The following MRTFA variants were observed in gnomAD, a reference collection of about 807,000 sequenced individuals.
The protein encoded by MRTFA is myocardin-related transcription factor A.
MRTFA carries 20 observed loss-of-function variants against 83.5 expected under a neutral mutation model. The ratio of observed to expected loss-of-function variants is 0.24; its 90% CI spans 0.17 to 0.35. MRTFA has a LOEUF of 0.35. Among genes scored for constraint, MRTFA ranks in the 10% least tolerant of loss-of-function variants. MRTFA has a pLI of 1.00. For missense variants in MRTFA, 1,200 were observed against 1,224.7 expected, an observed-to-expected ratio of 0.98 and a Z score of 0.30; for synonymous variants, 659 against 541.2, an observed-to-expected ratio of 1.22 and a Z score of -3.02.
Position 40,439,415 on chromosome 22 carries a change from G to A in MRTFA, c.308-3861C>T, listed in dbSNP as rs1314899074. ...AGCTACTTGGGAGGCTGAGGCAGGA[G>A]AATTACTTGAACCCAAGAGGCAGAA... On this transcript the variant is annotated intron_variant, in intron 4 of 14. Coordinates refer to ENST00000355630, the MANE Select transcript of MRTFA (RefSeq NM_020831.6). 3.6e-5 allele frequency among the ~76,000 whole-genome samples: 5 copies of A among 139,528 alleles called. No homozygotes were observed. In the Admixed American group the frequency reaches 4.0e-4, roughly 11 times the overall value. 91.5% of individuals were successfully genotyped at this position (139,528 alleles called of 152,430 possible). A position where few individuals can be genotyped will look rare whatever the true frequency, so the allele number is the denominator to read the frequency against.
At chr22:40,454,605 C>G (rs1360286924) in intron 4 of MRTFA, among the ~76,000 whole-genome samples, 1 of 152,182 alleles carries the variant, frequency 6.6e-6, no homozygotes, top group African/African-American at 2.4e-5. Context: ...TCTCCAAACT[C>G]ACTCTGTGGG....
At chr22:40,459,830 C>CATACATATAT (rs1555973834) in intron 4 of MRTFA, among the ~76,000 whole-genome samples, 1 of 86,952 alleles carries the variant, frequency 1.2e-5, no homozygotes, top group Non-Finnish European at 2.1e-5. Context: ...CACATATATA[C>CATACATATAT]ATATATATAT....
At chr22:40,555,768 C>G (rs970767629) in intron 2 of MRTFA, among the ~76,000 whole-genome samples, 3 of 151,600 alleles carry the variant, frequency 2.0e-5, no homozygotes, top group Admixed American at 6.6e-5. Flanking sequence ...TCCCGAGTAG[C>G]TGGGACTACA....
intron 3 of MRTFA, among the ~76,000 whole-genome samples, chr22:40,517,715 G>A (rs1161753019): frequency 6.6e-6 from 1 of 152,170 alleles, no homozygotes; most frequent in African/African-American, 2.4e-5. Context: ...AAAGGTAAAA[G>A]GAGTCGTCTT....
chr22:40,482,161 G>A (rs2054102987), intron 3 of MRTFA, among the ~76,000 whole-genome samples: 1 of 151,970 alleles, frequency 6.6e-6, no homozygotes, highest in Non-Finnish European at 1.5e-5. Context: ...TCATCTCAAT[G>A]GCTATTTGAG....
chr22:40,552,521 G>A (rs1299259208), intron 2 of MRTFA, among the ~76,000 whole-genome samples, 154 bp from the exon 3 acceptor site: 4 of 152,150 alleles, frequency 2.6e-5, no homozygotes, highest in Non-Finnish European at 4.4e-5. Flanking sequence ...CACAGGGGTG[G>A]TTACCTCCGT....
chr22:40,498,140 T>C (rs1017298734), intron 3 of MRTFA, among the ~76,000 whole-genome samples: 1 of 150,800 alleles, frequency 6.6e-6, no homozygotes, highest in African/African-American at 2.4e-5. Flanking sequence ...AGACCCTGTG[T>C]CAAAAAAAAG....
At chr22:40,607,833 G>A (rs1283349746) in intron 1 of MRTFA, among the ~76,000 whole-genome samples, 1 of 152,164 alleles carries the variant, frequency 6.6e-6, no homozygotes, top group Admixed American at 6.5e-5. Flanking sequence ...CTTTTGAAAT[G>A]GAATGATTTT....
chr22:40,577,638 G>C (rs982690461), intron 2 of MRTFA, among the ~76,000 whole-genome samples: 1 of 144,516 alleles, frequency 6.9e-6, no homozygotes, highest in African/African-American at 2.5e-5. Flanking sequence ...TTGAGACAGA[G>C]TTTCCCTCTT....
intron 3 of MRTFA, among the ~76,000 whole-genome samples, chr22:40,515,760 A>G (rs560051769): frequency 3.3e-5 from 5 of 152,280 alleles, no homozygotes; most frequent in Admixed American, 6.5e-5. Context: ...ACCAGTATAT[A>G]AGGACAAATA....
At chr22:40,431,755 C>T (rs1317417264) in intron 5 of MRTFA, among the ~76,000 whole-genome samples, 1 of 152,110 alleles carries the variant, frequency 6.6e-6, no homozygotes, top group African/African-American at 2.4e-5. Flanking sequence ...ACTATTACTT[C>T]TACTACCATA....
Position 40,468,744 on chromosome 22 carries a change from T to C in MRTFA, c.242-5458A>G, listed in dbSNP as rs560261675. ...CATTTGAAAATTAATGAGGTGTATA[T>C]GCTTGAGGAGACCAAAATGCAGACA... On this transcript the variant is annotated intron_variant, in intron 3 of 14. Transcript: ENST00000355630. 1.9e-4 allele frequency among the ~76,000 whole-genome samples: 29 copies of C among 152,330 alleles called. No homozygotes were observed. The South Asian group carries it at 5.8e-3, about 30-fold the overall frequency.
chr22:40,418,399 C>G lies in MRTFA; in HGVS notation c.2339G>C (p.Gly780Ala). The G allele has an allele frequency of 1.9e-6, 3 of 1,614,018 alleles. No individual in the cohort carries two copies. The highest frequency in any genetic ancestry group is 2.5e-6 in the Non-Finnish European group (3 of 1,179,908). ...CTGCTGGGGGCTCCCACTGGACAGG[C>G]CAGGGCTGTCTGCATTCTTATTGGT... The change falls in exon 12 of 15, where the codon GGC becomes GCC. Residue 780 changes from glycine to alanine, a missense_variant. This residue lies in a region of MRTFA where 1,107 missense variants were observed against 1,041.8 expected (regional missense o/e 1.06). Coordinates refer to ENST00000355630, the MANE Select transcript of MRTFA (RefSeq NM_020831.6).
At chr22:40,605,125 G>A (rs2056304660) in intron 1 of MRTFA, among the ~76,000 whole-genome samples, 1 of 152,110 alleles carries the variant, frequency 6.6e-6, no homozygotes, top group East Asian at 1.9e-4. Flanking sequence ...CCACTTGTCT[G>A]TAAAGGAAAA....
intron 6 of MRTFA, among the ~76,000 whole-genome samples, chr22:40,430,689 T>C (rs923935272): frequency 6.6e-6 from 1 of 151,788 alleles, no homozygotes; most frequent in Non-Finnish European, 1.5e-5. Context: ...TGAAACCCCA[T>C]CTCTACTAAA....
At chr22:40,459,965 G>T (rs1226612644) in intron 4 of MRTFA, among the ~76,000 whole-genome samples, 1 of 151,192 alleles carries the variant, frequency 6.6e-6, no homozygotes. Flanking sequence ...GTCTTTTTGA[G>T]ACGGGGTCTC....
At chr22:40,417,621 GGCTTTTAGGGA>G in intron 12 of MRTFA, 128 bp from the exon 13 acceptor site, 1 of 669,520 alleles carries the variant, frequency 1.5e-6, no homozygotes. Context: ...GGGAGGCACT[GGCTTTTAGGGA>G]GCTTTCATGA....
chr22:40,552,877 G>A (rs984117712), intron 2 of MRTFA, among the ~76,000 whole-genome samples: 2 of 152,238 alleles, frequency 1.3e-5, no homozygotes, highest in South Asian at 2.1e-4. Context: ...AGTTTAGAGG[G>A]CTAAGAAGAA....
At chr22:40,504,511 A>G (rs1420729395) in intron 3 of MRTFA, among the ~76,000 whole-genome samples, 1 of 152,242 alleles carries the variant, frequency 6.6e-6, no homozygotes, top group Non-Finnish European at 1.5e-5. Context: ...TTTTCTGATT[A>G]ATAAAACCAG....
Sources: gnomAD v4.1 joint callset for allele counts (sites outside exome capture counted in the v4.1 genomes callset) on GRCh38, gnomAD v4.1.1 for gene constraint, gnomAD v4.1.1 regional missense constraint, MANE v1.5 for transcripts, NCBI Gene and HGNC (gene_info 2026-07-23, HGNC 2026-07-21) for gene names.